The following PPP2R3C variants were observed in gnomAD, a reference collection of about 807,000 sequenced individuals.
PPP2R3C encodes serine/threonine-protein phosphatase 2A regulatory subunit B'' subunit gamma.
A neutral mutation model predicts 63.7 loss-of-function variants in PPP2R3C; 47 were observed. The ratio of observed to expected loss-of-function variants is 0.74; its 90% CI spans 0.58 to 0.94. The LOEUF (loss-of-function observed/expected upper bound fraction) is 0.94, where lower values mean the gene tolerates loss of function less well. Ranked by LOEUF, PPP2R3C falls within the 40% of genes least tolerant of loss-of-function variation. PPP2R3C has a pLI of 0.00. For synonymous variants in PPP2R3C, 180 were observed against 177.4 expected (o/e 1.01, Z -0.12); for missense variants, 421 against 518.4 (o/e 0.81, Z 1.82).
At chr14:35,105,206 A>G (rs2046310920) in intron 6 of PPP2R3C, among the ~76,000 whole-genome samples, 1 of 150,052 alleles carries the variant, frequency 6.7e-6, no homozygotes, top group Non-Finnish European at 1.5e-5. Context: ...TTTTTTTGAG[A>G]CAGTCCGCTC....
chr14:35,098,346 G>GT (rs376634061), intron 7 of PPP2R3C, among the ~76,000 whole-genome samples: 46,894 of 93,068 alleles, frequency 0.5, 13,004 homozygotes, highest in East Asian at 0.71. Context: ...CGCCTGGCTA[G>GT]TTTTTTTTTT....
At chr14:35,098,718 T>A (rs369031383) in intron 7 of PPP2R3C, 1 of 152,696 alleles carries the variant, frequency 6.5e-6, no homozygotes, top group Admixed American at 6.6e-5. Context: ...TCCTTTCCTC[T>A]GCTCCAGTTA....
intron 2 of PPP2R3C, 106 bp from the exon 3 acceptor site, chr14:35,110,735 C>A: frequency 1.5e-6 from 1 of 678,616 alleles, no homozygotes; most frequent in Non-Finnish European, 2.5e-6. Flanking sequence ...CGAATTATTT[C>A]TTGTATCTCA....
At chr14:35,088,449 T>A (rs550688786) in intron 11 of PPP2R3C, among the ~76,000 whole-genome samples, 1 of 152,266 alleles carries the variant, frequency 6.6e-6, no homozygotes, top group East Asian at 1.9e-4. Flanking sequence ...GCTTTCTACG[T>A]AATACAAGAA....
chr14:35,112,180 G>A (rs1419681097), intron 2 of PPP2R3C, among the ~76,000 whole-genome samples: 1 of 152,218 alleles, frequency 6.6e-6, no homozygotes, highest in Admixed American at 6.5e-5. Context: ...TCCCAGGCAA[G>A]AGGGTTTGCC....
chr14:35,087,823 G>T, intron 12 of PPP2R3C, 128 bp downstream of exon 12: 1 of 717,060 alleles, frequency 1.4e-6, no homozygotes, highest in Non-Finnish European at 2.4e-6. Flanking sequence ...TTAAATATCA[G>T]TTCAGAACAA....
chr14:35,097,453 A>G (rs1362800645), intron 7 of PPP2R3C, among the ~76,000 whole-genome samples: 1 of 151,088 alleles, frequency 6.6e-6, no homozygotes, highest in Non-Finnish European at 1.5e-5. Flanking sequence ...GTGGTTTAAG[A>G]GCAGAGTTTG....
At chr14:35,086,770 T>A (rs1018824489) in intron 12 of PPP2R3C, 1 of 152,942 alleles carries the variant, frequency 6.5e-6, no homozygotes, top group Non-Finnish European at 1.5e-5. Context: ...AGTGCTGGGA[T>A]TACAGGCGTG....
chr14:35,109,515 A>G (rs145590283), intron 4 of PPP2R3C, among the ~76,000 whole-genome samples: 4 of 151,352 alleles, frequency 2.6e-5, no homozygotes, highest in South Asian at 2.1e-4. Flanking sequence ...GTCTTGCTCT[A>G]TCGCCCAGGC....
intron 7 of PPP2R3C, among the ~76,000 whole-genome samples, chr14:35,098,338 C>T (rs977196040): frequency 7.0e-6 from 1 of 142,218 alleles, no homozygotes; most frequent in Non-Finnish European, 1.5e-5. Context: ...TGTCACTACG[C>T]CTGGCTAGTT....
At chr14:35,096,496 T>C in intron 9 of PPP2R3C, 62 bp downstream of exon 9, 2 of 1,478,256 alleles carry the variant, frequency 1.4e-6, no homozygotes. Flanking sequence ...AAAACTGTCC[T>C]CTGAACACCA....
At chr14:35,115,455 C>G (rs996260305) in intron 2 of PPP2R3C, among the ~76,000 whole-genome samples, 1 of 151,486 alleles carries the variant, frequency 6.6e-6, no homozygotes, top group African/African-American at 2.4e-5. Flanking sequence ...AGTCACCACA[C>G]CTGGCCAACA....
At chr14:35,085,833 A>C in intron 12 of PPP2R3C, 55 bp from the exon 13 acceptor site, 2 of 1,411,808 alleles carry the variant, frequency 1.4e-6, no homozygotes, top group Non-Finnish European at 1.9e-6. Flanking sequence ...TCTATCACAC[A>C]TAGTGATCCA....
rs1476065488 is a variant in PPP2R3C, at chr14:35,110,584, A to T, written c.232T>A (p.Ser78Thr). The change falls in exon 3 of 13, where the codon TCA (serine) becomes ACA (threonine). Residue 78 changes from serine (S) to threonine (T), a missense_variant. This residue lies in a region of PPP2R3C where 143 missense variants were observed against 151.2 expected (regional missense o/e 0.95). Coordinates refer to ENST00000261475, the MANE Select transcript of PPP2R3C (RefSeq NM_017917.4). ...TTTCTTTGTAGAAAGACAGCTCTTG[A>T]TTCCTCTCTTAATTTCTGTAGTAAG... Reference protein sequence around the residue: ...EVLLQKLREESRAVFLQRKSR... With the variant: ...EVLLQKLREETRAVFLQRKSR... 1 of 1,612,518 alleles carries T rather than the reference A, an allele frequency of 6.2e-7. No individual in the cohort carries two copies. Among genetic ancestry groups the T allele is most frequent in the Admixed American group, 1.7e-5 (1 of 59,928 alleles).
rs78164660 is a variant in PPP2R3C, at chr14:35,095,406, T to C, written c.839-222A>G. On this transcript the variant is annotated intron_variant, in intron 9 of 12. Coordinates refer to ENST00000261475, the MANE Select transcript of PPP2R3C (RefSeq NM_017917.4). ...CCAAAAAAACCCATCATGAAGGCCA[T>C]AGTCTCTGGGCTGTTTCACTTACAT... 3.2e-4 allele frequency among the ~76,000 whole-genome samples: 49 copies of C among 152,294 alleles called. 1 individual carries two copies. The East Asian group carries it at 8.1e-3, about 25-fold the overall frequency.
chr14:35,094,933 G>A (rs1007611238), intron 10 of PPP2R3C, 115 bp downstream of exon 10: 21 of 1,156,352 alleles, frequency 1.8e-5, no homozygotes, highest in African/African-American at 1.1e-4. Flanking sequence ...TAGCCTAGGC[G>A]ACAGAGCAAG....
rs1156697718 is a variant in PPP2R3C at position 35,121,833 on chromosome 14, C to T, written c.58+69G>A. ...GGCGGCTCCCCCTTGCTCCTCCTCC[C>T]CACCTCCCCCCTACCTCTAGGAGTT... is the stretch of plus-strand genomic sequence containing the variant. On this transcript the variant is annotated intron_variant, in intron 1 of 12. Transcript: ENST00000261475. 4 of 1,555,786 alleles carry T rather than the reference C, an allele frequency of 2.6e-6. No homozygotes were observed. In the African/African-American group the frequency reaches 5.5e-5, roughly 21 times the overall value.
At chr14:35,085,942 C>T in intron 12 of PPP2R3C, 164 bp from the exon 13 acceptor site, 1 of 588,908 alleles carries the variant, frequency 1.7e-6, no homozygotes, top group East Asian at 3.0e-5. Flanking sequence ...TTTTTCTTTT[C>T]CATTTAACAG....
chr14:35,088,178 G>A, intron 11 of PPP2R3C, 168 bp from the exon 12 acceptor site: 2 of 622,322 alleles, frequency 3.2e-6, no homozygotes, highest in South Asian at 2.0e-5. Flanking sequence ...CCACATCAGT[G>A]AGCAAAACCT....
Sources: allele counts gnomAD v4.1 joint callset (sites outside exome capture counted in the v4.1 genomes callset), GRCh38; gene constraint gnomAD v4.1.1; regional missense constraint gnomAD v4.1.1; transcripts MANE v1.5; gene names NCBI Gene and HGNC (gene_info 2026-07-23, HGNC 2026-07-21).